The following GABRG3 variants were observed in gnomAD, a reference collection of about 807,000 sequenced individuals.
The protein encoded by GABRG3 is gamma-aminobutyric acid type A receptor subunit gamma3.
A neutral mutation model predicts 48.8 loss-of-function variants in GABRG3; 25 were observed. The observed-to-expected ratio is 0.51, with a 90% confidence interval of 0.37 to 0.72. The LOEUF is 0.72. Among genes scored for constraint, GABRG3 ranks in the 30% least tolerant of loss-of-function variants. GABRG3 has a pLI of 0.00. For synonymous variants in GABRG3, 227 were observed against 217.6 expected (o/e 1.04, Z -0.38); for missense variants, 394 against 577.9 (o/e 0.68, Z 3.26).
chr15:27,198,926 C>T (rs1006207251), intron 3 of GABRG3, among the ~76,000 whole-genome samples: 3 of 151,960 alleles, frequency 2.0e-5, no homozygotes, highest in Non-Finnish European at 4.4e-5. Context: ...GTTCTCACTC[C>T]TAAGTGGGAG....
intron 6 of GABRG3, among the ~76,000 whole-genome samples, chr15:27,518,736 A>C (rs1891088795): frequency 6.6e-6 from 1 of 152,208 alleles, no homozygotes; most frequent in South Asian, 2.1e-4. Context: ...AAGAGTGTAG[A>C]GAGCACAGGG....
chr15:26,987,554 T>C (rs1265764546), intron 2 of GABRG3, among the ~76,000 whole-genome samples: 1 of 152,172 alleles, frequency 6.6e-6, no homozygotes, highest in Non-Finnish European at 1.5e-5. Context: ...TTTGAAGGGA[T>C]TCTAAAGGAC....
At chr15:27,465,950 A>C (rs558859190) in intron 5 of GABRG3, among the ~76,000 whole-genome samples, 1 of 152,322 alleles carries the variant, frequency 6.6e-6, no homozygotes, top group South Asian at 2.1e-4. Flanking sequence ...CAGTGTTTCA[A>C]AAATACTGTT....
intron 3 of GABRG3, among the ~76,000 whole-genome samples, chr15:27,203,131 A>G (rs1888742551): frequency 6.6e-6 from 1 of 152,124 alleles, no homozygotes; most frequent in Non-Finnish European, 1.5e-5. Flanking sequence ...TTTGGTGTAC[A>G]AATAATTTTG....
chr15:27,375,052 T>A (rs1160854766), intron 5 of GABRG3, among the ~76,000 whole-genome samples: 1 of 151,716 alleles, frequency 6.6e-6, no homozygotes, highest in Admixed American at 6.6e-5. Flanking sequence ...GGGGGGTGGG[T>A]AGTAAATGAT....
rs1421808465 is a variant in GABRG3, at chr15:27,534,172, A to G, written c.*1291A>G. ...CCACCATGCCCGGCCAAAATTAAAA[A>G]AAAAAAATTAGTGAATATTAATTTT... On this transcript the variant is annotated 3_prime_UTR_variant, in exon 10 of 10. Transcript: ENST00000615808. The G allele has an allele frequency of 6.6e-6, 1 of 152,066 alleles. No individual in the cohort carries two copies. Among genetic ancestry groups the G allele is most frequent in the Non-Finnish European group, 1.5e-5 (1 of 68,030 alleles). 9.4% of individuals were successfully genotyped at this position (152,066 alleles called of 1,614,324 possible). A position where few individuals can be genotyped will look rare whatever the true frequency, so the allele number is the denominator to read the frequency against.
chr15:27,210,221 A>G (rs762432353), intron 3 of GABRG3, among the ~76,000 whole-genome samples: 2 of 152,164 alleles, frequency 1.3e-5, no homozygotes, highest in South Asian at 2.1e-4. Context: ...AAGGGCCCCC[A>G]TTCCTCCTCA....
chr15:27,023,420 CTT>C (rs919171859), intron 2 of GABRG3, among the ~76,000 whole-genome samples: 3 of 151,696 alleles, frequency 2.0e-5, no homozygotes, highest in Non-Finnish European at 2.9e-5. Context: ...CTCCAGAACT[CTT>C]TTCATCTTGC....
chr15:27,242,821 A>G (rs892762548), intron 3 of GABRG3, among the ~76,000 whole-genome samples: 1 of 152,244 alleles, frequency 6.6e-6, no homozygotes, highest in Non-Finnish European at 1.5e-5. Context: ...CTATGAGATT[A>G]TTCTAAACAC....
chr15:27,519,907 A>G (rs1891118702), intron 6 of GABRG3, 65 bp from the exon 7 acceptor site: 2 of 1,132,358 alleles, frequency 1.8e-6, no homozygotes, highest in South Asian at 1.6e-5. Flanking sequence ...TAAATTGTAA[A>G]TTATTTTCCT....
At chr15:27,425,169 T>C (rs1056619821) in intron 5 of GABRG3, among the ~76,000 whole-genome samples, 51 of 152,296 alleles carry the variant, frequency 3.3e-4, no homozygotes, top group Admixed American at 9.8e-4. Flanking sequence ...GCCCCTGGCT[T>C]GTTGACTGCT....
At chr15:27,513,313 G>C (rs1375741116) in intron 6 of GABRG3, among the ~76,000 whole-genome samples, 1 of 152,040 alleles carries the variant, frequency 6.6e-6, no homozygotes, top group Non-Finnish European at 1.5e-5. Context: ...AGCCAGGCGT[G>C]GTGGTGGGCG....
chr15:27,507,575 AT>A (rs1890791252), intron 6 of GABRG3, among the ~76,000 whole-genome samples: 1 of 152,144 alleles, frequency 6.6e-6, no homozygotes, highest in African/African-American at 2.4e-5. Flanking sequence ...GTGGCCCAGA[AT>A]ATGTTCTATT....
intron 3 of GABRG3, among the ~76,000 whole-genome samples, chr15:27,155,909 T>C (rs1301239094): frequency 6.6e-6 from 1 of 152,040 alleles, no homozygotes; most frequent in East Asian, 1.9e-4. Context: ...CCAGTAAGGG[T>C]AGAATTCAGG....
At chr15:27,264,800 T>C (rs1220828049) in intron 3 of GABRG3, among the ~76,000 whole-genome samples, 18 of 152,092 alleles carry the variant, frequency 1.2e-4, no homozygotes, top group Admixed American at 1.2e-3. Flanking sequence ...TTAATTCTTT[T>C]ATACCTTTTA....
chr15:27,175,467 G>T (rs532553149), intron 3 of GABRG3, among the ~76,000 whole-genome samples: 1 of 152,190 alleles, frequency 6.6e-6, no homozygotes, highest in Non-Finnish European at 1.5e-5. Context: ...ATCATCCATA[G>T]GTTTTCCAGG....
chr15:27,489,239 T>C (rs1890290908), intron 6 of GABRG3, among the ~76,000 whole-genome samples: 1 of 152,232 alleles, frequency 6.6e-6, no homozygotes, highest in Admixed American at 6.5e-5. Context: ...TAGTATTCCA[T>C]GGTGTATATG....
intron 5 of GABRG3, among the ~76,000 whole-genome samples, chr15:27,475,885 T>C (rs1191497087): frequency 6.6e-6 from 1 of 152,028 alleles, no homozygotes; most frequent in Non-Finnish European, 1.5e-5. Flanking sequence ...ATAATGTTAA[T>C]AGTGATGTGG....
chr15:27,037,785 G>A (rs907378793), intron 3 of GABRG3, among the ~76,000 whole-genome samples: 2 of 152,212 alleles, frequency 1.3e-5, no homozygotes, highest in Admixed American at 6.5e-5. Context: ...GCTGCTGGTA[G>A]TTAGAAGAGA....
Sources: gnomAD v4.1 joint callset for allele counts (sites outside exome capture counted in the v4.1 genomes callset) on GRCh38, gnomAD v4.1.1 for gene constraint, MANE v1.5 for transcripts, NCBI Gene and HGNC (gene_info 2026-07-23, HGNC 2026-07-21) for gene names.